The following HTR1F variants were observed in gnomAD, a reference collection of about 807,000 sequenced individuals.
HTR1F encodes 5-hydroxytryptamine receptor 1F.
Under a neutral mutation model 24.0 loss-of-function variants are expected in HTR1F, and 17 were observed. The ratio of observed to expected loss-of-function variants is 0.71; its 90% CI spans 0.48 to 1.06. The LOEUF (loss-of-function observed/expected upper bound fraction) is 1.06, where lower values mean the gene tolerates loss of function less well. Ranked by LOEUF, HTR1F falls within the 50% of genes least tolerant of loss-of-function variation. The pLI, the probability that HTR1F is intolerant of heterozygous loss-of-function variation, is 0.00. For synonymous variants in HTR1F, 186 were observed against 156.8 expected (o/e 1.19, Z -1.39); for missense variants, 391 against 427.8 (o/e 0.91, Z 0.76).
intron 1 of HTR1F, among the ~76,000 whole-genome samples, chr3:87,813,474 C>T (rs1188871779): frequency 1.3e-5 from 2 of 152,182 alleles, no homozygotes; most frequent in Non-Finnish European, 2.9e-5. Context: ...AGAGACTTGC[C>T]TTGTCTCAGG....
intron 2 of HTR1F, among the ~76,000 whole-genome samples, chr3:87,841,737 T>G (rs1704808682): frequency 6.6e-6 from 1 of 150,976 alleles, no homozygotes; most frequent in South Asian, 2.1e-4. Flanking sequence ...CCATCTCTAC[T>G]AAAAATACAA....
At chr3:87,816,686 T>C (rs1376753345) in intron 1 of HTR1F, among the ~76,000 whole-genome samples, 3 of 152,096 alleles carry the variant, frequency 2.0e-5, no homozygotes, top group African/African-American at 7.2e-5. Flanking sequence ...ATAGTTTATG[T>C]CTAAAAAATA....
rs569830419 is a variant in HTR1F at position 87,944,900 on chromosome 3, G to A, written c.-42-45808G>A. Among the ~76,000 whole-genome samples, 148 of 152,338 alleles carry A rather than the reference G, an allele frequency of 9.7e-4. 1 individual carries two copies. The highest frequency in any genetic ancestry group is 1.2e-3 in the African/African-American group (51 of 41,578). On this transcript the variant is annotated intron_variant, in intron 2 of 2. Coordinates refer to ENST00000319595, the MANE Select transcript of HTR1F (RefSeq NM_001322209.2). Reference sequence around the variant, plus strand: ...GGTCTCAGTGTTTTCAGGCTATGCCGTTGTTTACATTGACAACAAGGTAGT... The same window carrying A: ...GGTCTCAGTGTTTTCAGGCTATGCCATTGTTTACATTGACAACAAGGTAGT...
intron 2 of HTR1F, among the ~76,000 whole-genome samples, chr3:87,851,063 A>C (rs1198667873): frequency 6.6e-6 from 1 of 151,754 alleles, no homozygotes; most frequent in Non-Finnish European, 1.5e-5. Flanking sequence ...CTGCCATCCC[A>C]CCACCTATAT....
chr3:87,802,892 G>T (rs1192159095), intron 1 of HTR1F, among the ~76,000 whole-genome samples: 1 of 152,136 alleles, frequency 6.6e-6, no homozygotes, highest in East Asian at 1.9e-4. Flanking sequence ...ATTTCATCCA[G>T]TGCAGCTACC....
intron 2 of HTR1F, among the ~76,000 whole-genome samples, chr3:87,887,968 G>T (rs531749861): frequency 3.9e-5 from 6 of 152,100 alleles, no homozygotes; most frequent in Admixed American, 6.5e-5. Flanking sequence ...CCCATTACTG[G>T]GTATATACCC....
intron 2 of HTR1F, among the ~76,000 whole-genome samples, chr3:87,905,039 G>A (rs1703629768): frequency 6.6e-6 from 1 of 151,978 alleles, no homozygotes. Context: ...CTGGTATGGT[G>A]GCTCACACCT....
intron 2 of HTR1F, among the ~76,000 whole-genome samples, chr3:87,838,507 GGTTT>G (rs1005616392): frequency 2.6e-5 from 4 of 151,780 alleles, no homozygotes; most frequent in Non-Finnish European, 5.9e-5. Flanking sequence ...GAAATTTTGA[GGTTT>G]TTTTTATATT....
At chr3:87,950,971 T>C (rs1406541482) in intron 2 of HTR1F, among the ~76,000 whole-genome samples, 1 of 152,166 alleles carries the variant, frequency 6.6e-6, no homozygotes, top group East Asian at 1.9e-4. Flanking sequence ...TCTCCTTCTG[T>C]CCTTCCTGGC....
intron 2 of HTR1F, among the ~76,000 whole-genome samples, chr3:87,903,491 A>C (rs1427431238): frequency 6.6e-6 from 1 of 152,008 alleles, no homozygotes; most frequent in Non-Finnish European, 1.5e-5. Flanking sequence ...TCTCAAAAGA[A>C]GACATTTATG....
intron 2 of HTR1F, among the ~76,000 whole-genome samples, chr3:87,895,787 G>A (rs1706184928): frequency 6.6e-6 from 1 of 152,084 alleles, no homozygotes. Flanking sequence ...TCCTTAAAAT[G>A]AAGTTAAGAC....
intron 2 of HTR1F, among the ~76,000 whole-genome samples, chr3:87,958,114 T>A (rs972913551): frequency 6.6e-6 from 1 of 151,566 alleles, no homozygotes; most frequent in Admixed American, 6.6e-5. Context: ...AAATTCCCCT[T>A]GTAATTTTTT....
At chr3:87,976,812 A>G (rs1170655131) in intron 2 of HTR1F, among the ~76,000 whole-genome samples, 1 of 152,192 alleles carries the variant, frequency 6.6e-6, no homozygotes, top group Non-Finnish European at 1.5e-5. Context: ...CTTTCCAGTA[A>G]GGGCACAGAA....
intron 2 of HTR1F, among the ~76,000 whole-genome samples, chr3:87,941,689 C>T (rs752938339): frequency 8.6e-5 from 13 of 152,006 alleles, no homozygotes; most frequent in Non-Finnish European, 1.6e-4. Flanking sequence ...CAAAGGTAAA[C>T]AAGAATTGAG....
Position 87,990,938 on chromosome 3 carries a change from T to C in HTR1F, c.189T>C (p.Cys63=), listed in dbSNP as rs1250517339. Reference sequence around the variant, plus strand: ...ACCATCCAGCCAATTATTTAATTTGTTCCCTTGCAGTCACAGATTTTCTTG... The same window carrying C: ...ACCATCCAGCCAATTATTTAATTTGCTCCCTTGCAGTCACAGATTTTCTTG... ...KLHHPANYLI[C]SLAVTDFLVA... Residue 63 remains cysteine, a synonymous_variant, in exon 3 of 3, where the codon TGT becomes TGC. Coordinates refer to ENST00000319595, the MANE Select transcript of HTR1F (RefSeq NM_001322209.2). 1 of 1,614,170 alleles carries C rather than the reference T, an allele frequency of 6.2e-7. No individual in the cohort carries two copies. Among genetic ancestry groups the C allele is most frequent in the Admixed American group, 1.7e-5 (1 of 60,018 alleles).
intron 2 of HTR1F, among the ~76,000 whole-genome samples, chr3:87,841,222 A>T (rs1026544758): frequency 6.6e-6 from 1 of 151,890 alleles, no homozygotes; most frequent in Non-Finnish European, 1.5e-5. Context: ...TTATTTGTCA[A>T]GTATTAACAA....
At chr3:87,928,706 G>A (rs758571767) in intron 2 of HTR1F, among the ~76,000 whole-genome samples, 1 of 152,050 alleles carries the variant, frequency 6.6e-6, no homozygotes, top group South Asian at 2.1e-4. Context: ...ATTCTATTAT[G>A]TATCCATTTG....
At position 87,911,282 on chromosome 3, in the gene HTR1F, A is replaced by G. The variant is rs537082855; in HGVS notation, c.-42-79426A>G. Among the ~76,000 whole-genome samples the G allele has an allele frequency of 1.4e-3, 210 of 152,222 alleles. 1 individual carries two copies. The highest frequency in any genetic ancestry group is 4.8e-3 in the African/African-American group (199 of 41,554). On this transcript the variant is annotated intron_variant, in intron 2 of 2. Transcript: ENST00000319595. The stretch of plus-strand genomic sequence containing the variant: ...AACACTGTTAGAAATGGCAAAGGGG[A>G]TGTTACCGCTGACCACACAGAAATA...
rs1019670177 is a variant in HTR1F at position 87,992,532 on chromosome 3, A to G, written c.*682A>G. 11 of 167,044 alleles carry G rather than the reference A, an allele frequency of 6.6e-5. No individual in the cohort carries two copies. Among genetic ancestry groups the G allele is most frequent in the Non-Finnish European group, 1.5e-4 (10 of 68,102 alleles). 10.3% of individuals were successfully genotyped at this position (167,044 alleles called of 1,614,324 possible). On this transcript the variant is annotated 3_prime_UTR_variant, in exon 3 of 3. Transcript: ENST00000319595. The stretch of plus-strand genomic sequence containing the variant: ...GTTTGATATAAACTTCTAGAATAAT[A>G]TTATCTTATCCTTATATTATCAGCA...
Sources: allele counts gnomAD v4.1 joint callset (sites outside exome capture counted in the v4.1 genomes callset), GRCh38; gene constraint gnomAD v4.1.1; transcripts MANE v1.5; gene names NCBI Gene and HGNC (gene_info 2026-07-23, HGNC 2026-07-21).